CTNNA3: variants seen among roughly 807,000 people sequenced by gnomAD.
CTNNA3 encodes catenin alpha-3.
A neutral mutation model predicts 95.7 loss-of-function variants in CTNNA3; 76 were observed. The observed-to-expected ratio is 0.79, with a 90% confidence interval of 0.66 to 0.96. The LOEUF (loss-of-function observed/expected upper bound fraction) is 0.96, where lower values mean the gene tolerates loss of function less well. CTNNA3 is among the 40% of genes least tolerant of loss of function. The pLI, the probability that CTNNA3 is intolerant of heterozygous loss-of-function variation, is 0.00. For missense variants in CTNNA3, 1,191 were observed against 1,089.8 expected, an observed-to-expected ratio of 1.09 and a Z score of -1.31; for synonymous variants, 431 against 374.4, an observed-to-expected ratio of 1.15 and a Z score of -1.74.
chr10:67,305,127 T>A (rs1020753363), intron 5 of CTNNA3, among the ~76,000 whole-genome samples: 1 of 151,872 alleles, frequency 6.6e-6, no homozygotes, highest in Non-Finnish European at 1.5e-5. Flanking sequence ...ATACAAAAAA[T>A]TAGCAGGGAG....
At chr10:67,113,648 G>A (rs1458657754) in intron 7 of CTNNA3, among the ~76,000 whole-genome samples, 3 of 152,086 alleles carry the variant, frequency 2.0e-5, no homozygotes, top group Non-Finnish European at 4.4e-5. Flanking sequence ...GCAGTACAGT[G>A]GTATGATAAT....
At chr10:65,950,337 T>C (rs1294969298) in intron 17 of CTNNA3, among the ~76,000 whole-genome samples, 2 of 152,212 alleles carry the variant, frequency 1.3e-5, no homozygotes, top group Non-Finnish European at 2.9e-5. Context: ...TTCTGCCTTA[T>C]ACATGCCTTT....
intron 12 of CTNNA3, among the ~76,000 whole-genome samples, chr10:66,352,401 G>T (rs1250460113): frequency 6.6e-6 from 1 of 152,058 alleles, no homozygotes; most frequent in African/African-American, 2.4e-5. Flanking sequence ...AAATATTGAA[G>T]GAAGATAGAG....
intron 7 of CTNNA3, among the ~76,000 whole-genome samples, chr10:66,845,711 A>AAAAAAAACAAC (rs1843231471): frequency 4.1e-5 from 2 of 48,490 alleles, no homozygotes; most frequent in Non-Finnish European, 9.6e-5. Flanking sequence ...CTCAAAAAAA[A>AAAAAAAACAAC]AAAAAAAAAA....
At chr10:66,488,498 G>A (rs1839814177) in intron 11 of CTNNA3, among the ~76,000 whole-genome samples, 2 of 152,106 alleles carry the variant, frequency 1.3e-5, no homozygotes, top group Non-Finnish European at 2.9e-5. Flanking sequence ...TGCCTTTGGT[G>A]TTGATCAAAG....
chr10:67,657,097 A>G (rs1175920319), intron 1 of CTNNA3, among the ~76,000 whole-genome samples: 3 of 152,174 alleles, frequency 2.0e-5, no homozygotes, highest in Non-Finnish European at 4.4e-5. Context: ...TAGTTTGACA[A>G]TTGAGACAAC....
At chr10:66,610,281 G>A (rs1335091961) in intron 10 of CTNNA3, among the ~76,000 whole-genome samples, 4 of 151,868 alleles carry the variant, frequency 2.6e-5, no homozygotes, top group Non-Finnish European at 4.4e-5. Context: ...TTCAGGCCCC[G>A]TGACATGAGC....
At chr10:66,626,449 C>A (rs906352386) in intron 9 of CTNNA3, among the ~76,000 whole-genome samples, 2 of 152,168 alleles carry the variant, frequency 1.3e-5, no homozygotes, top group African/African-American at 2.4e-5. Flanking sequence ...CATTTTCATG[C>A]ATTTTCCCAT....
At chr10:66,449,524 T>C (rs564435753) in intron 11 of CTNNA3, among the ~76,000 whole-genome samples, 2 of 152,184 alleles carry the variant, frequency 1.3e-5, no homozygotes, top group Non-Finnish European at 2.9e-5. Context: ...TTTTTATTGT[T>C]AATTTTAGCT....
At chr10:66,657,279 C>A (rs983655168) in intron 9 of CTNNA3, among the ~76,000 whole-genome samples, 1 of 152,086 alleles carries the variant, frequency 6.6e-6, no homozygotes, top group African/African-American at 2.4e-5. Context: ...AGTTTTGATC[C>A]TGACTTGCCT....
At chr10:66,662,193 C>G (rs540225187) in intron 9 of CTNNA3, among the ~76,000 whole-genome samples, 78 of 152,268 alleles carry the variant, frequency 5.1e-4, no homozygotes, top group Non-Finnish European at 1.0e-4. Context: ...ATACATTCTA[C>G]TAAAATTCTG....
chr10:67,691,500 C>T (rs1295140288), intron 1 of CTNNA3, among the ~76,000 whole-genome samples: 4 of 151,554 alleles, frequency 2.6e-5, no homozygotes, highest in African/African-American at 4.9e-5. Flanking sequence ...CGTCTCTGCC[C>T]GGCCGCCCAT....
At chr10:66,779,523 AT>A (rs59453549) in intron 7 of CTNNA3, among the ~76,000 whole-genome samples, 18,684 of 145,874 alleles carry the variant, frequency 0.13, 1,224 homozygotes, top group African/African-American at 0.15. Context: ...TGCCTGGCTT[AT>A]TTTTTTTTTT....
At chr10:65,988,440 A>G (rs1372874269) in intron 16 of CTNNA3, among the ~76,000 whole-genome samples, 4 of 152,192 alleles carry the variant, frequency 2.6e-5, no homozygotes, top group African/African-American at 9.6e-5. Context: ...AATTGAGTAT[A>G]TTTGATGCTG....
intron 1 of CTNNA3, among the ~76,000 whole-genome samples, chr10:67,719,522 AG>A (rs1271927482): frequency 6.6e-6 from 1 of 152,170 alleles, no homozygotes; most frequent in East Asian, 1.9e-4. Flanking sequence ...TTGGTTTCAA[AG>A]AACTTATTGA....
intron 3 of CTNNA3, among the ~76,000 whole-genome samples, chr10:67,576,323 T>A (rs1275670789): frequency 6.6e-6 from 1 of 152,150 alleles, no homozygotes; most frequent in African/African-American, 2.4e-5. Context: ...AGTAAATAGA[T>A]GAATTATCTG....
At chr10:66,683,777 T>A (rs1474987398) in intron 9 of CTNNA3, among the ~76,000 whole-genome samples, 1 of 152,156 alleles carries the variant, frequency 6.6e-6, no homozygotes, top group Non-Finnish European at 1.5e-5. Flanking sequence ...ACAGCCAATC[T>A]AAACAAAAGC....
At chr10:66,068,125 T>C (rs2080351871) in intron 15 of CTNNA3, among the ~76,000 whole-genome samples, 1 of 152,200 alleles carries the variant, frequency 6.6e-6, no homozygotes, top group Non-Finnish European at 1.5e-5. Context: ...TTTGGCAAAT[T>C]TGATAGATTT....
chr10:67,694,251 A>T (rs1840921999), intron 1 of CTNNA3, among the ~76,000 whole-genome samples: 1 of 152,118 alleles, frequency 6.6e-6, no homozygotes, highest in Non-Finnish European at 1.5e-5. Context: ...GTAAAAGTTT[A>T]TTGAGTGGAA....
Sources: allele counts gnomAD v4.1 joint callset (sites outside exome capture counted in the v4.1 genomes callset), GRCh38; gene constraint gnomAD v4.1.1; transcripts MANE v1.5; gene names NCBI Gene and HGNC (gene_info 2026-07-23, HGNC 2026-07-21).